RTTN: variants seen among roughly 807,000 people sequenced by gnomAD.
RTTN encodes the protein rotatin.
A neutral mutation model predicts 269.2 loss-of-function variants in RTTN; 182 were observed. The ratio of observed to expected loss-of-function variants is 0.68; its 90% CI spans 0.60 to 0.76. The LOEUF (loss-of-function observed/expected upper bound fraction) is 0.76. Ranked by LOEUF, RTTN falls within the 30% of genes least tolerant of loss-of-function variation. The pLI is 0.00. For missense variants in RTTN, 2,545 were observed against 2,608.6 expected (o/e 0.98, Z 0.53); for synonymous variants, 1,006 against 963.5 (o/e 1.04, Z -0.82).
At chr18:70,098,194 A>G (rs1000318526) in intron 28 of RTTN, among the ~76,000 whole-genome samples, 1 of 152,210 alleles carries the variant, frequency 6.6e-6, no homozygotes, top group Admixed American at 6.5e-5. Context: ...AATCTCTGGG[A>G]CACAGCTAAG....
At chr18:70,147,933 AC>A (rs1599772088) in intron 17 of RTTN, among the ~76,000 whole-genome samples, 1 of 152,028 alleles carries the variant, frequency 6.6e-6, no homozygotes, top group Admixed American at 6.6e-5. Flanking sequence ...GTAGAAGACA[AC>A]CCCTGAGAAC....
intron 39 of RTTN, 100 bp downstream of exon 39, chr18:70,051,311 T>C (rs2057660031): frequency 2.2e-6 from 3 of 1,350,622 alleles, no homozygotes; most frequent in Admixed American, 5.1e-5. Flanking sequence ...TGCCATGCTA[T>C]AATTACTTAA....
In RTTN at chr18:70,076,853, C is replaced by T. The variant is rs75222344; in HGVS notation, c.4375-1312G>A. Among the ~76,000 whole-genome samples, 303 of 151,790 alleles carry T rather than the reference C, an allele frequency of 2.0e-3. 8 individuals are homozygous for T. The East Asian group carries it at 0.051, about 25-fold the overall frequency. Reference sequence around the variant, plus strand: ...CCAAGGTATATGTTACAGGTACTGGCGCCCTTTAATACATTACCTTATTTT... The same window carrying T: ...CCAAGGTATATGTTACAGGTACTGGTGCCCTTTAATACATTACCTTATTTT... On this transcript the variant is annotated intron_variant, in intron 32 of 48. Coordinates refer to ENST00000640769, the MANE Select transcript of RTTN (RefSeq NM_173630.4).
At chr18:70,190,768 A>C in intron 8 of RTTN, 49 bp from the exon 9 acceptor site, 1 of 1,355,634 alleles carries the variant, frequency 7.4e-7, no homozygotes, top group Non-Finnish European at 1.0e-6. Context: ...CAATCCCCAA[A>C]CAGATTTACT....
chr18:70,040,682 C>T (rs2057314076), intron 40 of RTTN, among the ~76,000 whole-genome samples: 1 of 152,172 alleles, frequency 6.6e-6, no homozygotes. Flanking sequence ...CATTCTTCTC[C>T]TCAGCATATG....
intron 32 of RTTN, among the ~76,000 whole-genome samples, chr18:70,081,154 G>A (rs1352584162): frequency 6.6e-6 from 1 of 152,098 alleles, no homozygotes. Flanking sequence ...ATGACACAAC[G>A]GACTTTGGGG....
At chr18:70,150,310 A>C (rs1414738138) in intron 15 of RTTN, among the ~76,000 whole-genome samples, 1 of 152,086 alleles carries the variant, frequency 6.6e-6, no homozygotes, top group Non-Finnish European at 1.5e-5. Context: ...TTGAGTAAAA[A>C]TTTCCCTAAC....
At chr18:70,044,494 C>G (rs1442815634) in intron 40 of RTTN, among the ~76,000 whole-genome samples, 1 of 152,092 alleles carries the variant, frequency 6.6e-6, no homozygotes, top group Non-Finnish European at 1.5e-5. Flanking sequence ...TTCCAACACC[C>G]CCAGTGGATA....
intron 28 of RTTN, among the ~76,000 whole-genome samples, chr18:70,106,957 G>A (rs2059336290): frequency 1.3e-5 from 2 of 152,088 alleles, no homozygotes; most frequent in South Asian, 4.2e-4. Flanking sequence ...TCAAAACAAG[G>A]CTGACAGATT....
intron 28 of RTTN, among the ~76,000 whole-genome samples, chr18:70,097,202 C>T (rs907242251): frequency 2.6e-5 from 4 of 152,170 alleles, no homozygotes; most frequent in African/African-American, 9.7e-5. Flanking sequence ...TAAAAAGTCT[C>T]ATTTCACAGC....
chr18:70,116,257 T>G (rs2059600891), intron 26 of RTTN, among the ~76,000 whole-genome samples: 1 of 152,038 alleles, frequency 6.6e-6, no homozygotes, highest in Admixed American at 6.6e-5. Flanking sequence ...TAAAACAATT[T>G]TATTATTAGG....
In RTTN at chr18:70,030,069, T is replaced by C. The variant is rs1477806338; in HGVS notation, c.5688A>G (p.Ile1896Met). 3 of 1,613,048 alleles carry C rather than the reference T, an allele frequency of 1.9e-6. No individual in the cohort carries two copies. The South Asian group carries it at 3.3e-5, about 18-fold the overall frequency. ...GAGAATCTAGGTTCAGTTGTGCATTTATGTGTTTCATCTGCTCCATGCAAT... is the reference window on the plus strand; with the variant it reads ...GAGAATCTAGGTTCAGTTGTGCATTCATGTGTTTCATCTGCTCCATGCAAT... The part of the protein sequence containing the change: ...IDNCMEQMKH[I>M]NAQLNLDSLR... Residue 1896 changes from isoleucine to methionine, a missense_variant, in exon 42 of 49, where the codon ATA (isoleucine) becomes ATG (methionine). Ile to Met is a conservative substitution (Grantham distance 10). Coordinates refer to ENST00000640769, the MANE Select transcript of RTTN (RefSeq NM_173630.4).
Position 70,051,696 on chromosome 18 carries a change from C to T in RTTN, c.5186-148G>A, listed in dbSNP as rs2057674763. The T allele has an allele frequency of 2.8e-5, 15 of 538,406 alleles. 1 individual carries two copies. The South Asian group carries it at 5.6e-4, about 20-fold the overall frequency. 33.4% of individuals were successfully genotyped at this position (538,406 alleles called of 1,614,324 possible). On this transcript the variant is annotated intron_variant, in intron 38 of 48. Transcript: ENST00000640769. Reference sequence around the variant, plus strand: ...GAAGACAAATCTAATTCAGCATTATCCAAAATTTATTTCAATTAACTTCTT... The same window carrying T: ...GAAGACAAATCTAATTCAGCATTATTCAAAATTTATTTCAATTAACTTCTT...
At chr18:70,177,052 A>C (rs531641256) in intron 10 of RTTN, among the ~76,000 whole-genome samples, 1 of 152,378 alleles carries the variant, frequency 6.6e-6, no homozygotes, top group African/African-American at 2.4e-5. Context: ...TACATTTTAA[A>C]AATACAATAA....
Position 70,054,197 on chromosome 18 carries a change from C to T in RTTN, c.5119G>A (p.Glu1707Lys), listed in dbSNP as rs1244687017. 6.2e-7 allele frequency: 1 copy of T among 1,613,788 alleles called. No individual in the cohort carries two copies. The highest frequency in any genetic ancestry group is 1.7e-5 in the Admixed American group (1 of 60,006). The change falls in exon 38 of 49, where the codon GAG becomes AAG. Residue 1707 changes from glutamate to lysine, a missense_variant. Glu to Lys is a moderately conservative substitution (Grantham distance 56). Coordinates refer to ENST00000640769, the MANE Select transcript of RTTN (RefSeq NM_173630.4). ...LVEPDLVIQD[E>K]LVKPLITNII... is the part of the protein sequence containing the mutation. ...TTGGTGATAAGAGGTTTCACAAGCTCATCCTGAATCACAAGGTCAGGCTCC... is the reference window on the plus strand; with the variant it reads ...TTGGTGATAAGAGGTTTCACAAGCTTATCCTGAATCACAAGGTCAGGCTCC...
chr18:70,077,239 T>C (rs1453675888), intron 32 of RTTN, among the ~76,000 whole-genome samples: 3 of 151,986 alleles, frequency 2.0e-5, no homozygotes, highest in African/African-American at 7.2e-5. Context: ...TATATAAAAT[T>C]ATGCAATTTT....
chr18:70,163,920 T>C (rs1239330467), intron 14 of RTTN, among the ~76,000 whole-genome samples: 5 of 152,190 alleles, frequency 3.3e-5, no homozygotes, highest in Admixed American at 2.6e-4. Context: ...TGTTACAACA[T>C]GGATGAGCCT....
intron 14 of RTTN, among the ~76,000 whole-genome samples, chr18:70,155,392 T>C (rs2060647066): frequency 1.3e-5 from 2 of 152,216 alleles, no homozygotes; most frequent in Admixed American, 1.3e-4. Flanking sequence ...CCATAACAAG[T>C]GGGAGGATTC....
chr18:70,034,553 C>T lies in RTTN; in HGVS notation c.5542-3572G>A, dbSNP rs575349514. Among the ~76,000 whole-genome samples, 6 of 152,246 alleles carry T rather than the reference C, an allele frequency of 3.9e-5. No homozygotes were observed. In the South Asian group the frequency reaches 6.2e-4, roughly 16 times the overall value. ...ATTGAAGTAACATATATTAAAATAA[C>T]GAGAGCCATCTATGACAAACCTGCT... On this transcript the variant is annotated intron_variant, in intron 40 of 48. Transcript: ENST00000640769.
Sources: allele counts gnomAD v4.1 joint callset (sites outside exome capture counted in the v4.1 genomes callset), GRCh38; gene constraint gnomAD v4.1.1; transcripts MANE v1.5; gene names NCBI Gene and HGNC (gene_info 2026-07-23, HGNC 2026-07-21).